FAM13B: variants seen among roughly 807,000 people sequenced by gnomAD.
The protein encoded by FAM13B is protein FAM13B.
FAM13B carries 60 observed loss-of-function variants against 117.3 expected under a neutral mutation model. The ratio of observed to expected loss-of-function variants is 0.51; its 90% confidence interval spans 0.42 to 0.63. The LOEUF (loss-of-function observed/expected upper bound fraction) is 0.63, where lower values mean the gene tolerates loss of function less well. Among genes scored for constraint, FAM13B ranks in the 30% least tolerant of loss-of-function variants. The pLI is 0.00. For synonymous variants in FAM13B, 332 were observed against 356.1 expected (o/e 0.93, Z 0.76); for missense variants, 972 against 1,091.9 (o/e 0.89, Z 1.55).
intron 4 of FAM13B, among the ~76,000 whole-genome samples, chr5:138,017,601 T>G (rs950642173): frequency 3.9e-5 from 6 of 152,170 alleles, no homozygotes; most frequent in African/African-American, 1.4e-4. Flanking sequence ...GTCCCTCCAT[T>G]ACATATACAT....
In FAM13B at chr5:138,011,870, A is replaced by C; in HGVS notation, c.446T>G (p.Leu149Trp). ...TAAAAATCTACACAGAAACTTTAAC[A>C]AACTATAATTAACAGGTGGAAGCTG... is the stretch of plus-strand genomic sequence containing the variant. ...LQQLPPVNYS[L>W]LKFLCRFLAN... Residue 149 changes from leucine to tryptophan, a missense_variant, in exon 5 of 24, where the codon TTG becomes TGG. Coordinates refer to ENST00000689681, the MANE Select transcript of FAM13B (RefSeq NM_001385994.1). 6.2e-7 allele frequency: 1 copy of C among 1,603,548 alleles called. No individual in the cohort carries two copies. The highest frequency in any genetic ancestry group is 8.5e-7 in the Non-Finnish European group (1 of 1,177,142).
intron 7 of FAM13B, among the ~76,000 whole-genome samples, chr5:138,005,099 T>A (rs1219785881): frequency 6.6e-6 from 1 of 152,138 alleles, no homozygotes; most frequent in Non-Finnish European, 1.5e-5. Context: ...TAGCTGGGCA[T>A]GGTGATGCGT....
intron 13 of FAM13B, among the ~76,000 whole-genome samples, chr5:137,958,870 AT>A (rs553128553): frequency 1.1e-3 from 171 of 152,222 alleles, no homozygotes; most frequent in Admixed American, 2.4e-3. Flanking sequence ...TAACCATCTT[AT>A]TTTTTTCATG....
intron 22 of FAM13B, among the ~76,000 whole-genome samples, 166 bp from the exon 23 acceptor site, chr5:137,942,211 G>A (rs1762065625): frequency 6.6e-6 from 1 of 152,216 alleles, no homozygotes; most frequent in Non-Finnish European, 1.5e-5. Flanking sequence ...AAGGACTCAA[G>A]CATCAGTACT....
chr5:137,954,041 CTT>C (rs369548946), intron 15 of FAM13B, 123 bp downstream of exon 15: 12,059 of 380,252 alleles, frequency 0.032, no homozygotes, highest in East Asian at 0.049. Flanking sequence ...CAATCTCTCT[CTT>C]TTTTTTTTTT....
upstream of FAM13B, chr5:138,036,970 T>C (rs1791228500): frequency 3.5e-6 from 1 of 282,590 alleles, no homozygotes; most frequent in Admixed American, 5.1e-5. Flanking sequence ...CTGGTAAACA[T>C]CCTTTACGGC....
chr5:138,035,289 G>C (rs1371208373), upstream of FAM13B, among the ~76,000 whole-genome samples: 1 of 151,840 alleles, frequency 6.6e-6, no homozygotes, highest in Non-Finnish European at 1.5e-5. Context: ...GTGATTACAG[G>C]CGTGAGCCAC....
chr5:138,019,997 AAAAG>A (rs1455520970), intron 2 of FAM13B: 2 of 980,440 alleles, frequency 2.0e-6, no homozygotes, highest in Non-Finnish European at 2.4e-6. Flanking sequence ...ATTTTTATAA[AAAAG>A]AAATTTTTCA....
intron 16 of FAM13B, 105 bp downstream of exon 16, chr5:137,953,231 G>T: frequency 7.9e-7 from 1 of 1,271,978 alleles, no homozygotes. Flanking sequence ...GGGTATCTCA[G>T]ATTTGTTACC....
intron 2 of FAM13B, among the ~76,000 whole-genome samples, chr5:138,019,546 C>T (rs1207508828): frequency 2.0e-5 from 3 of 152,160 alleles, no homozygotes; most frequent in Admixed American, 2.0e-4. Context: ...TCATCTAACC[C>T]CTCAATTCAT....
intron 10 of FAM13B, among the ~76,000 whole-genome samples, chr5:137,964,248 A>G (rs1220588463): frequency 6.6e-6 from 1 of 151,986 alleles, no homozygotes; most frequent in Middle Eastern, 3.4e-3. Context: ...TTTAGCAGAG[A>G]TGGGGTTTCA....
intron 10 of FAM13B, among the ~76,000 whole-genome samples, chr5:137,984,192 G>A (rs972598649): frequency 2.0e-5 from 3 of 152,084 alleles, no homozygotes; most frequent in Non-Finnish European, 4.4e-5. Flanking sequence ...TTCCTCTTTG[G>A]CATAAGGATT....
intron 7 of FAM13B, among the ~76,000 whole-genome samples, chr5:137,994,124 A>G (rs967284732): frequency 6.6e-6 from 1 of 152,248 alleles, no homozygotes; most frequent in African/African-American, 2.4e-5. Flanking sequence ...CTACAAGTAT[A>G]TATAAAAGTA....
Position 137,942,052 on chromosome 5 carries a change from T to G in FAM13B, c.2589-7A>C. ...TTGTTCCAATAATTCAGGCCTAGAATTGAAATGGTAAAATACTGAAGGGCA... is the reference window on the plus strand; with the variant it reads ...TTGTTCCAATAATTCAGGCCTAGAAGTGAAATGGTAAAATACTGAAGGGCA... On this transcript the variant is annotated splice_polypyrimidine_tract_variant and splice_region_variant and intron_variant, in intron 22 of 23. Transcript: ENST00000689681. The G allele has an allele frequency of 6.2e-7, 1 of 1,608,044 alleles. No homozygotes were observed. The highest frequency in any genetic ancestry group is 2.2e-5 in the East Asian group (1 of 44,844).
Position 138,010,889 on chromosome 5 carries a change from T to C in FAM13B, c.690+119A>G, listed in dbSNP as rs181292518. On this transcript the variant is annotated intron_variant, in intron 6 of 23. Coordinates refer to ENST00000689681, the MANE Select transcript of FAM13B (RefSeq NM_001385994.1). ...TACTGATTACATATAATAACCAAGA[T>C]AATTACTTCCAGGTCAGATTTAAAT... 2,753 of 1,066,930 alleles carry C rather than the reference T, an allele frequency of 2.6e-3. 4 individuals carry two copies. Among genetic ancestry groups the C allele is most frequent in the Non-Finnish European group, 3.0e-3 (2,453 of 804,552 alleles). 66.1% of individuals were successfully genotyped at this position (1,066,930 alleles called of 1,614,324 possible).
intron 10 of FAM13B, among the ~76,000 whole-genome samples, chr5:137,965,380 A>G (rs1285065695): frequency 6.6e-6 from 1 of 152,128 alleles, no homozygotes; most frequent in South Asian, 2.1e-4. Flanking sequence ...CAGCACAGTC[A>G]TATTAGCAAT....
At chr5:138,033,729 T>C (rs147445589), upstream of FAM13B, 1 of 152,372 alleles carries the variant, frequency 6.6e-6, no homozygotes, top group Non-Finnish European at 1.5e-5. Context: ...CTCTCTGAAC[T>C]TGCATGGCTA....
intron 7 of FAM13B, among the ~76,000 whole-genome samples, chr5:138,005,846 T>C (rs1782399820): frequency 6.6e-6 from 1 of 152,094 alleles, no homozygotes; most frequent in Admixed American, 6.5e-5. Context: ...CCTTAGATAT[T>C]ACCAGTTACT....
intron 20 of FAM13B, among the ~76,000 whole-genome samples, chr5:137,944,196 T>C (rs777960797): frequency 1.2e-4 from 19 of 152,220 alleles, no homozygotes; most frequent in Non-Finnish European, 2.1e-4. Flanking sequence ...TCTATTATTA[T>C]TTCATTGTTT....
Sources: gnomAD v4.1 joint callset for allele counts (sites outside exome capture counted in the v4.1 genomes callset) on GRCh38, gnomAD v4.1.1 for gene constraint, MANE v1.5 for transcripts, NCBI Gene and HGNC (gene_info 2026-07-23, HGNC 2026-07-21) for gene names.